Variants in SOAT1 observed in about 807,000 individuals in gnomAD.
SOAT1 encodes acyl-coenzyme A:cholesterol acyltransferase 1.
SOAT1 carries 55 observed loss-of-function variants against 69.5 expected under a neutral mutation model. The observed-to-expected ratio is 0.79, with a 90% CI of 0.64 to 0.99. SOAT1 has a LOEUF of 0.99. Ranked by LOEUF, SOAT1 falls within the 50% of genes least tolerant of loss-of-function variation. The probability of loss-of-function intolerance (pLI) is 0.00; values close to 1 mark genes in which losing one functional copy is unlikely to be tolerated. For synonymous variants in SOAT1, 231 were observed against 224.7 expected (o/e 1.03, Z -0.25); for missense variants, 580 against 669.3 (o/e 0.87, Z 1.47).
intron 3 of SOAT1, among the ~76,000 whole-genome samples, chr1:179,328,717 GA>G (rs2124973416): frequency 6.6e-6 from 1 of 152,152 alleles, no homozygotes; most frequent in Non-Finnish European, 1.5e-5. Context: ...TTAAAAGGAT[GA>G]AAAAAATTAC....
rs186757674 is a variant in SOAT1 at position 179,302,824 on chromosome 1, T to C, written c.118+22T>C. 8.2e-4 allele frequency: 1,054 copies of C among 1,292,688 alleles called. 24 individuals are homozygous for C. The Admixed American group carries it at 0.02, about 25-fold the overall frequency. 80.1% of individuals were successfully genotyped at this position (1,292,688 alleles called of 1,614,324 possible). A position where few individuals can be genotyped will look rare whatever the true frequency, so the allele number is the denominator to read the frequency against. On this transcript the variant is annotated intron_variant, in intron 2 of 15. Coordinates refer to ENST00000367619, the MANE Select transcript of SOAT1 (RefSeq NM_003101.6). ...AATGGTGAGGCTTAATTTTTTTTTT[T>C]TAGGTGAATTAGTGAAATAGAGAAC...
intron 3 of SOAT1, among the ~76,000 whole-genome samples, chr1:179,334,260 G>T (rs1666069558): frequency 6.6e-6 from 1 of 152,114 alleles, no homozygotes; most frequent in South Asian, 2.1e-4. Flanking sequence ...GTAAAATTAT[G>T]TTACGTTTGT....
intron 2 of SOAT1, among the ~76,000 whole-genome samples, chr1:179,304,569 T>G (rs59340306): frequency 6.6e-6 from 1 of 151,836 alleles, no homozygotes; most frequent in Non-Finnish European, 1.5e-5. Flanking sequence ...TGAGCCACCA[T>G]GCCCAGCCCT....
At chr1:179,321,010 A>G (rs1444884003) in intron 2 of SOAT1, among the ~76,000 whole-genome samples, 1 of 151,914 alleles carries the variant, frequency 6.6e-6, no homozygotes, top group African/African-American at 2.4e-5. Flanking sequence ...GGTTCAAGCA[A>G]TTGTCCCTGC....
At chr1:179,313,013 A>G (rs1226685923) in intron 2 of SOAT1, among the ~76,000 whole-genome samples, 1 of 152,206 alleles carries the variant, frequency 6.6e-6, no homozygotes, top group Admixed American at 6.5e-5. Flanking sequence ...AGTTTCTCGC[A>G]AAGGCAGTGA....
At chr1:179,330,157 A>G (rs1665925292) in intron 3 of SOAT1, among the ~76,000 whole-genome samples, 1 of 152,188 alleles carries the variant, frequency 6.6e-6, no homozygotes, top group Non-Finnish European at 1.5e-5. Flanking sequence ...CTCAGAGGCT[A>G]GGGTTTTTAT....
chr1:179,296,407 G>A (rs1029170122), intron 1 of SOAT1, among the ~76,000 whole-genome samples: 1 of 152,160 alleles, frequency 6.6e-6, no homozygotes, highest in African/African-American at 2.4e-5. Context: ...GTATTAACCA[G>A]GGAAGAGTCC....
chr1:179,356,155 T>C lies in SOAT1; in HGVS notation c.*2514T>C, dbSNP rs1666899121. On this transcript the variant is annotated 3_prime_UTR_variant, in exon 16 of 16. Coordinates refer to ENST00000367619, the MANE Select transcript of SOAT1 (RefSeq NM_003101.6). Reference sequence around the variant, plus strand: ...AATTATTTTCAGTTATAGGATACTTTTTTCCTTCTGAAAAGTAATAAGCTT... The same window carrying C: ...AATTATTTTCAGTTATAGGATACTTCTTTCCTTCTGAAAAGTAATAAGCTT... 6.6e-6 allele frequency: 1 copy of C among 152,240 alleles called. No individual in the cohort carries two copies. The highest frequency in any genetic ancestry group is 2.1e-4 in the South Asian group (1 of 4,834). The allele number at this position is 152,240 out of a possible 1,614,324, so 9.4% of individuals were successfully genotyped here.
At chr1:179,349,706 C>A (rs1042928666) in intron 13 of SOAT1, among the ~76,000 whole-genome samples, 2 of 152,176 alleles carry the variant, frequency 1.3e-5, no homozygotes, top group Non-Finnish European at 2.9e-5. Flanking sequence ...TTGAGACATT[C>A]TTTAGAGCAG....
At chr1:179,340,408 G>A (rs1666292979) in intron 6 of SOAT1, among the ~76,000 whole-genome samples, 1 of 152,158 alleles carries the variant, frequency 6.6e-6, no homozygotes, top group Admixed American at 6.5e-5. Flanking sequence ...CTTGAGCCAG[G>A]GAGGTTGAGG....
intron 2 of SOAT1, among the ~76,000 whole-genome samples, chr1:179,322,525 C>T (rs1571425318): frequency 6.6e-6 from 1 of 151,974 alleles, no homozygotes; most frequent in East Asian, 1.9e-4. Context: ...TGGGACAAGC[C>T]TCTTCTTTTT....
At chr1:179,296,365 A>G (rs886372630) in intron 1 of SOAT1, among the ~76,000 whole-genome samples, 16 of 152,190 alleles carry the variant, frequency 1.1e-4, no homozygotes, top group African/African-American at 3.9e-4. Context: ...GGAGTCTTGG[A>G]CCGTATCCCC....
intron 14 of SOAT1, among the ~76,000 whole-genome samples, chr1:179,350,733 C>T (rs10913734): frequency 0.21 from 32,478 of 152,038 alleles, 4,033 homozygotes; most frequent in East Asian, 0.38. Context: ...TAAACATTGT[C>T]GGTATGCACC....
intron 2 of SOAT1, among the ~76,000 whole-genome samples, chr1:179,306,797 C>T (rs911931722): frequency 2.8e-5 from 4 of 140,684 alleles, no homozygotes; most frequent in African/African-American, 1.1e-4. Flanking sequence ...TGCCACTGCA[C>T]TCCAGCCTGG....
At chr1:179,327,184 T>C (rs962402141) in intron 3 of SOAT1, among the ~76,000 whole-genome samples, 1 of 152,210 alleles carries the variant, frequency 6.6e-6, no homozygotes, top group African/African-American at 2.4e-5. Flanking sequence ...TGGAAGGACT[T>C]GAGATGATAG....
intron 2 of SOAT1, among the ~76,000 whole-genome samples, chr1:179,311,327 C>T (rs923020882): frequency 6.6e-6 from 1 of 152,132 alleles, no homozygotes; most frequent in Non-Finnish European, 1.5e-5. Context: ...GATTGCACCA[C>T]TGCACTCCAA....
At chr1:179,312,201 C>T (rs1353989482) in intron 2 of SOAT1, among the ~76,000 whole-genome samples, 1 of 152,200 alleles carries the variant, frequency 6.6e-6, no homozygotes, top group Admixed American at 6.5e-5. Flanking sequence ...GGCTTGACTG[C>T]AGCAGTTTAG....
chr1:179,317,670 A>G (rs368464348), intron 2 of SOAT1, among the ~76,000 whole-genome samples: 1 of 151,630 alleles, frequency 6.6e-6, no homozygotes, highest in East Asian at 1.9e-4. Flanking sequence ...GAAGATAGCA[A>G]ACTAGACGTT....
intron 6 of SOAT1, 124 bp from the exon 7 acceptor site, chr1:179,340,904 G>C (rs1450422462): frequency 5.2e-6 from 4 of 768,904 alleles, no homozygotes; most frequent in Non-Finnish European, 8.3e-6. Flanking sequence ...CATGACTTCA[G>C]CGTATTAACG....
Sources: gnomAD v4.1 joint callset for allele counts (sites outside exome capture counted in the v4.1 genomes callset) on GRCh38, gnomAD v4.1.1 for gene constraint, MANE v1.5 for transcripts, NCBI Gene and HGNC (gene_info 2026-07-23, HGNC 2026-07-21) for gene names.